PCDH15: variants seen among roughly 807,000 people sequenced by gnomAD.
The protein encoded by PCDH15 is protocadherin-15.
PCDH15 carries 129 observed loss-of-function variants against 178.5 expected under a neutral mutation model. That is an observed-to-expected ratio of 0.72 (90% CI 0.63 to 0.84). The LOEUF (loss-of-function observed/expected upper bound fraction) is 0.84. Ranked by LOEUF, PCDH15 falls within the 40% of genes least tolerant of loss-of-function variation. PCDH15 has a pLI of 0.00. For missense variants in PCDH15, 2,230 were observed against 2,099.9 expected (o/e 1.06, Z -1.21); for synonymous variants, 800 against 732.0 (o/e 1.09, Z -1.50).
At chr10:54,041,205 T>C (rs2093535592) in intron 18 of PCDH15, among the ~76,000 whole-genome samples, 1 of 152,148 alleles carries the variant, frequency 6.6e-6, no homozygotes, top group South Asian at 2.1e-4. Flanking sequence ...ATTAATGCTT[T>C]AGTGTAGCAC....
rs926377173 is a variant in PCDH15 at position 54,020,880 on chromosome 10, C to T, written c.2527-464G>A. ...TGATTTCCATAAACATAATAGATGGCTAAAGTACTATAAGAAAACTGAGAA... is the reference window on the plus strand; with the variant it reads ...TGATTTCCATAAACATAATAGATGGTTAAAGTACTATAAGAAAACTGAGAA... On this transcript the variant is annotated intron_variant, in intron 19 of 37. Transcript: ENST00000644397. Among the ~76,000 whole-genome samples, 3 of 151,810 alleles carry T rather than the reference C, an allele frequency of 2.0e-5. No homozygotes were observed. In the East Asian group the frequency reaches 5.8e-4, roughly 29 times the overall value.
intron 2 of PCDH15, among the ~76,000 whole-genome samples, chr10:55,483,651 A>T (rs1001895952): frequency 1.2e-4 from 18 of 151,612 alleles, no homozygotes; most frequent in African/African-American, 4.1e-4. Flanking sequence ...AGGAATATAA[A>T]TTATCCTATT....
intron 6 of PCDH15, among the ~76,000 whole-genome samples, chr10:54,341,730 C>T (rs1942267541): frequency 6.6e-6 from 1 of 152,148 alleles, no homozygotes; most frequent in Non-Finnish European, 1.5e-5. Context: ...AACCAAAATG[C>T]TGATAGTGAT....
At chr10:55,595,943 A>G (rs1266473547) in intron 2 of PCDH15, among the ~76,000 whole-genome samples, 2 of 152,118 alleles carry the variant, frequency 1.3e-5, no homozygotes, top group Non-Finnish European at 2.9e-5. Context: ...TAATGTTTGC[A>G]CTGCTTAAAG....
intron 6 of PCDH15, among the ~76,000 whole-genome samples, chr10:54,340,222 T>C (rs1202976938): frequency 6.6e-6 from 1 of 152,226 alleles, no homozygotes; most frequent in African/African-American, 2.4e-5. Flanking sequence ...TTACTTTTCA[T>C]ATCTACATAT....
chr10:55,091,698 T>C (rs560887766), intron 2 of PCDH15, among the ~76,000 whole-genome samples: 1 of 152,036 alleles, frequency 6.6e-6, no homozygotes, highest in South Asian at 2.1e-4. Flanking sequence ...TATCTACTCA[T>C]TCAGGATTTT....
intron 2 of PCDH15, among the ~76,000 whole-genome samples, chr10:55,530,386 G>A (rs1490713402): frequency 6.6e-6 from 1 of 151,868 alleles, no homozygotes; most frequent in African/African-American, 2.4e-5. Context: ...ATATACTCTT[G>A]TATATGTGAA....
intron 2 of PCDH15, among the ~76,000 whole-genome samples, chr10:55,427,932 T>A (rs1565128502): frequency 6.6e-6 from 1 of 152,108 alleles, no homozygotes; most frequent in Admixed American, 6.5e-5. Context: ...TATGATCTAT[T>A]TAAAGAAAAA....
At chr10:54,342,046 T>A (rs186305003) in intron 6 of PCDH15, among the ~76,000 whole-genome samples, 1 of 152,206 alleles carries the variant, frequency 6.6e-6, no homozygotes, top group Non-Finnish European at 1.5e-5. Context: ...AATAAAACTT[T>A]AAAGAATCTG....
chr10:55,495,689 T>C lies in PCDH15; in HGVS notation c.-156+131936A>G, dbSNP rs569153201. Among the ~76,000 whole-genome samples the C allele has an allele frequency of 7.9e-5, 12 of 151,842 alleles. No homozygotes were observed. In the South Asian group the frequency reaches 2.5e-3, roughly 31 times the overall value. ...TCTTTAAGAAACAAATTTTTCACTT[T>C]CTCAAAATTTTCAACATATGACCCA... On this transcript the variant is annotated intron_variant, in intron 2 of 5. Transcript: ENST00000613346.
intron 2 of PCDH15, among the ~76,000 whole-genome samples, chr10:54,935,052 G>T (rs1355339223): frequency 1.3e-5 from 2 of 150,674 alleles, no homozygotes; most frequent in Non-Finnish European, 3.0e-5. Flanking sequence ...GACACAGGAA[G>T]GGGAACATCA....
chr10:55,350,228 CATATATATATATATATATAT>C (rs869240598), intron 2 of PCDH15, among the ~76,000 whole-genome samples: 17 of 73,442 alleles, frequency 2.3e-4, no homozygotes, highest in Admixed American at 6.8e-4. Context: ...TATATAAACT[CATATATATATATATATATAT>C]ATATATATAT....
At chr10:54,317,219 C>T (rs2061329958) in intron 8 of PCDH15, 52 bp downstream of exon 8, 1 of 1,560,068 alleles carries the variant, frequency 6.4e-7, no homozygotes, top group Non-Finnish European at 8.8e-7. Flanking sequence ...AACATGATCC[C>T]ATTGGGTTTT....
intron 2 of PCDH15, among the ~76,000 whole-genome samples, chr10:55,467,486 T>C (rs777131103): frequency 1.3e-5 from 2 of 151,692 alleles, no homozygotes; most frequent in Admixed American, 1.3e-4. Flanking sequence ...AAACCTTCAC[T>C]CTCTACAGGT....
Position 55,440,864 on chromosome 10 carries a change from G to C in PCDH15, c.-156+186761C>G, listed in dbSNP as rs150968118. The stretch of plus-strand genomic sequence containing the variant: ...GAAGACAAAAGGCACATCTCACAAG[G>C]TTCCAGACAAGAGAGAATGAGGACC... On this transcript the variant is annotated intron_variant, in intron 2 of 5. Coordinates refer to the PCDH15 transcript ENST00000613346. 1.1e-3 allele frequency among the ~76,000 whole-genome samples: 167 copies of C among 152,222 alleles called. 5 individuals carry two copies. Among genetic ancestry groups the C allele is most frequent in the Admixed American group, 9.7e-3 (148 of 15,288 alleles).
At chr10:54,354,516 T>G (rs1944664497) in intron 5 of PCDH15, among the ~76,000 whole-genome samples, 1 of 152,040 alleles carries the variant, frequency 6.6e-6, no homozygotes, top group African/African-American at 2.4e-5. Flanking sequence ...GAACTAGAGA[T>G]TAGTCTTACT....
intron 2 of PCDH15, among the ~76,000 whole-genome samples, chr10:54,534,048 G>A (rs750564544): frequency 1.3e-5 from 2 of 152,026 alleles, no homozygotes; most frequent in Admixed American, 6.5e-5. Context: ...TTTACAACAA[G>A]GACAAAATGA....
chr10:54,219,020 G>A (rs1056245817), intron 9 of PCDH15, among the ~76,000 whole-genome samples: 22 of 150,848 alleles, frequency 1.5e-4, no homozygotes, highest in African/African-American at 4.9e-4. Context: ...TTGGGAGGCC[G>A]AGGCGGGAGG....
At chr10:54,305,501 A>G in intron 8 of PCDH15, among the ~76,000 whole-genome samples, 1 of 152,172 alleles carries the variant, frequency 6.6e-6, no homozygotes, top group Middle Eastern at 3.4e-3. Context: ...TATTCCATAT[A>G]AGTAAATATT....
Sources: allele counts gnomAD v4.1 joint callset (sites outside exome capture counted in the v4.1 genomes callset), GRCh38; gene constraint gnomAD v4.1.1; transcripts MANE v1.5; gene names NCBI Gene and HGNC (gene_info 2026-07-23, HGNC 2026-07-21).